JAM3: variants seen among roughly 807,000 people sequenced by gnomAD.
The protein encoded by JAM3 is junctional adhesion molecule 3.
JAM3 carries 31 observed loss-of-function variants against 39.4 expected under a neutral mutation model. The ratio of observed to expected loss-of-function variants is 0.79; its 90% CI spans 0.59 to 1.06. JAM3 has a LOEUF of 1.06. Among genes scored for constraint, JAM3 ranks in the 50% least tolerant of loss-of-function variants. The pLI is 0.00. For missense variants in JAM3, 455 were observed against 391.4 expected, an observed-to-expected ratio of 1.16 and a Z score of -1.37; for synonymous variants, 182 against 148.7, an observed-to-expected ratio of 1.22 and a Z score of -1.63.
At chr11:134,109,512 C>G (rs1348192191) in intron 1 of JAM3, among the ~76,000 whole-genome samples, 3 of 152,224 alleles carry the variant, frequency 2.0e-5, no homozygotes, top group Non-Finnish European at 2.9e-5. Flanking sequence ...CATCCATTTA[C>G]TTATCAACTA....
intron 1 of JAM3, among the ~76,000 whole-genome samples, chr11:134,125,140 C>T (rs914854589): frequency 3.9e-5 from 6 of 152,192 alleles, no homozygotes; most frequent in African/African-American, 7.2e-5. Flanking sequence ...CAGCCGCTCC[C>T]GGACGGACAA....
intron 1 of JAM3, among the ~76,000 whole-genome samples, chr11:134,120,867 A>G (rs1450723265): frequency 6.6e-6 from 1 of 152,198 alleles, no homozygotes; most frequent in African/African-American, 2.4e-5. Flanking sequence ...TATGGCTTAA[A>G]TGTATTGTTT....
intron 3 of JAM3, among the ~76,000 whole-genome samples, chr11:134,142,445 G>T (rs557068105): frequency 6.6e-6 from 1 of 151,746 alleles, no homozygotes; most frequent in East Asian, 1.9e-4. Context: ...CTTTTAGTGT[G>T]CTGTTTTTAG....
chr11:134,125,216 GC>G (rs1164935885), intron 1 of JAM3, among the ~76,000 whole-genome samples: 2 of 152,156 alleles, frequency 1.3e-5, no homozygotes, highest in Non-Finnish European at 2.9e-5. Context: ...AGCAGCTCCC[GC>G]CCCCTCTTCT....
At chr11:134,079,723 T>TA (rs1426667818) in intron 1 of JAM3, among the ~76,000 whole-genome samples, 2 of 152,230 alleles carry the variant, frequency 1.3e-5, no homozygotes, top group Non-Finnish European at 2.9e-5. Context: ...TCTTATTATA[T>TA]AACCCACCTT....
At chr11:134,080,572 T>C (rs1386595770) in intron 1 of JAM3, among the ~76,000 whole-genome samples, 1 of 152,190 alleles carries the variant, frequency 6.6e-6, no homozygotes, top group Non-Finnish European at 1.5e-5. Context: ...CTCTCTTCTC[T>C]TGTCTGTCGC....
chr11:134,093,513 A>G (rs1465195594), intron 1 of JAM3, among the ~76,000 whole-genome samples: 2 of 133,204 alleles, frequency 1.5e-5, no homozygotes, highest in Admixed American at 7.3e-5. Flanking sequence ...TCCCTGAGGG[A>G]AGCTTCTCCT....
At chr11:134,130,536 TAAA>T (rs1036802304) in intron 1 of JAM3, among the ~76,000 whole-genome samples, 1 of 152,110 alleles carries the variant, frequency 6.6e-6, no homozygotes, top group Admixed American at 6.5e-5. Flanking sequence ...GCAGAAAAAT[TAAA>T]AAATCACCCA....
chr11:134,118,969 CTTTTTTTT>C, intron 1 of JAM3, among the ~76,000 whole-genome samples: 1 of 140,440 alleles, frequency 7.1e-6, no homozygotes, highest in East Asian at 2.1e-4. Flanking sequence ...CTCAAGAAAT[CTTTTTTTT>C]TTTTTTTTGA....
chr11:134,082,635 A>G lies in JAM3; in HGVS notation c.76+13476A>G, dbSNP rs997205653. Reference sequence around the variant, plus strand: ...TGAGATATGCCTTTCACCTTCTGCCATGGTTATGAGGCCTTCCTAGCCATG... The same window carrying G: ...TGAGATATGCCTTTCACCTTCTGCCGTGGTTATGAGGCCTTCCTAGCCATG... On this transcript the variant is annotated intron_variant, in intron 1 of 8. Transcript: ENST00000299106. 7.2e-5 allele frequency among the ~76,000 whole-genome samples: 11 copies of G among 152,296 alleles called. No homozygotes were observed. The South Asian group carries it at 1.7e-3, about 23-fold the overall frequency.
rs754937928 is a variant in JAM3, at chr11:134,140,687, C to T, written c.173C>T (p.Ser58Leu). ...SVELSCIITDSQTSDPRIEWK... is the reference protein window; with the variant it reads ...SVELSCIITDLQTSDPRIEWK... ...GAACTGTCTTGCATCATTACGGATT[C>T]GCAGACAAGTGACCCCAGGATCGAG... is the stretch of plus-strand genomic sequence containing the variant. The change falls in exon 3 of 9, where the codon TCG (serine) becomes TTG (leucine). Residue 58 changes from serine to leucine, a missense_variant. Coordinates refer to ENST00000299106, the MANE Select transcript of JAM3 (RefSeq NM_032801.5). The T allele has an allele frequency of 2.4e-5, 39 of 1,613,296 alleles. No homozygotes were observed. The highest frequency in any genetic ancestry group is 3.2e-5 in the Non-Finnish European group (38 of 1,179,778).
intron 1 of JAM3, among the ~76,000 whole-genome samples, chr11:134,133,904 G>C (rs551359716): frequency 2.0e-4 from 31 of 152,302 alleles, no homozygotes; most frequent in African/African-American, 6.7e-4. Context: ...AGGAAATGGA[G>C]CAAGCATCAG....
chr11:134,147,085 C>G (rs1381081663), intron 6 of JAM3, among the ~76,000 whole-genome samples: 7 of 152,180 alleles, frequency 4.6e-5, no homozygotes, highest in Admixed American at 4.6e-4. Flanking sequence ...GGGTTGTTTT[C>G]TCCTGCAGTT....
chr11:134,116,087 T>C (rs1358749394), intron 1 of JAM3, among the ~76,000 whole-genome samples: 1 of 152,160 alleles, frequency 6.6e-6, no homozygotes, highest in Non-Finnish European at 1.5e-5. Context: ...CCCTTTCTAT[T>C]TTTTAGGAGT....
chr11:134,096,666 T>A (rs1247284767), intron 1 of JAM3, among the ~76,000 whole-genome samples: 1 of 152,212 alleles, frequency 6.6e-6, no homozygotes, highest in Admixed American at 6.5e-5. Context: ...CATTTTCCCT[T>A]CCTGCAAGCA....
chr11:134,117,400 A>T (rs549073606), intron 1 of JAM3, among the ~76,000 whole-genome samples: 11 of 151,864 alleles, frequency 7.2e-5, no homozygotes, highest in Non-Finnish European at 1.5e-4. Context: ...AAACAATCCA[A>T]ATTGGCGGGG....
intron 1 of JAM3, among the ~76,000 whole-genome samples, chr11:134,120,589 C>T (rs935794852): frequency 5.3e-5 from 8 of 152,304 alleles, no homozygotes; most frequent in African/African-American, 1.4e-4. Flanking sequence ...GGAAGCCTCC[C>T]GTCTCCCAGT....
intron 1 of JAM3, among the ~76,000 whole-genome samples, chr11:134,134,142 C>T (rs79978516): frequency 6.6e-6 from 1 of 151,794 alleles, no homozygotes; most frequent in Non-Finnish European, 1.5e-5. Context: ...TGGACTCAAC[C>T]TCTGAGCTTG....
rs190415264 is a variant in JAM3 at position 134,136,585 on chromosome 11, T to C, written c.77-3266T>C. Among the ~76,000 whole-genome samples the C allele has an allele frequency of 5.6e-4, 86 of 152,310 alleles. No homozygotes were observed. The East Asian group carries it at 0.014, about 24-fold the overall frequency. ...AGGAAGGACTCTCAGCTTGGGACCT[T>C]ATCTGATGTAGTGCCCAGCCATTGC... is the stretch of plus-strand genomic sequence containing the variant. On this transcript the variant is annotated intron_variant, in intron 1 of 8. Coordinates refer to ENST00000299106, the MANE Select transcript of JAM3 (RefSeq NM_032801.5).
Sources: gnomAD v4.1 joint callset for allele counts (sites outside exome capture counted in the v4.1 genomes callset) on GRCh38, gnomAD v4.1.1 for gene constraint, MANE v1.5 for transcripts, NCBI Gene and HGNC (gene_info 2026-07-23, HGNC 2026-07-21) for gene names.